Variants in NEBL observed in about 807,000 individuals in gnomAD.
NEBL encodes the protein LIM and SH3 protein 2.
A neutral mutation model predicts 140.2 loss-of-function variants in NEBL; 122 were observed. The ratio of observed to expected loss-of-function variants is 0.87; its 90% CI spans 0.75 to 1.01. The LOEUF (loss-of-function observed/expected upper bound fraction) is 1.01. NEBL is among the 50% of genes least tolerant of loss of function. The probability of loss-of-function intolerance (pLI) is 0.00; values close to 1 mark genes in which losing one functional copy is unlikely to be tolerated. For missense variants in NEBL, 1,365 were observed against 1,231.3 expected (o/e 1.11, Z -1.62); for synonymous variants, 436 against 398.9 (o/e 1.09, Z -1.11).
intron 7 of NEBL, among the ~76,000 whole-genome samples, chr10:20,861,509 T>C (rs1342063857): frequency 2.0e-5 from 3 of 152,176 alleles, no homozygotes; most frequent in African/African-American, 7.2e-5. Flanking sequence ...ACCCTTCTGC[T>C]ATACTTTTAC....
chr10:20,815,502 T>C (rs1838635791), intron 22 of NEBL, 123 bp downstream of exon 22: 5 of 790,976 alleles, frequency 6.3e-6, no homozygotes, highest in Non-Finnish European at 1.1e-5. Context: ...ACACATGTAC[T>C]TATTGGACAC....
At position 20,782,306 on chromosome 10, in the gene NEBL, T is replaced by A. The variant is rs1032309671; in HGVS notation, c.*3441A>T. The A allele has an allele frequency of 6.6e-6, 1 of 152,662 alleles. No homozygotes were observed. The highest frequency in any genetic ancestry group is 2.4e-5 in the African/African-American group (1 of 41,466). 9.5% of individuals were successfully genotyped at this position (152,662 alleles called of 1,614,324 possible). On this transcript the variant is annotated 3_prime_UTR_variant, in exon 28 of 28. Coordinates refer to ENST00000377122, the MANE Select transcript of NEBL (RefSeq NM_006393.3). ...GTAATCAAAAAGGCACCTATATTTG[T>A]ATATATCTGTATTACAGTTTTGGTA...
chr10:21,242,128 G>A (rs949403147), intron 3 of NEBL, among the ~76,000 whole-genome samples: 25 of 152,260 alleles, frequency 1.6e-4, no homozygotes, highest in South Asian at 8.3e-4. Flanking sequence ...CTTGAGCCTG[G>A]GAGGCAGAAG....
intron 8 of NEBL, among the ~76,000 whole-genome samples, chr10:20,858,679 A>C (rs1843349929): frequency 6.6e-6 from 1 of 152,234 alleles, no homozygotes; most frequent in South Asian, 2.1e-4. Context: ...CAGTATTTCA[A>C]CTATGCTTTG....
intron 3 of NEBL, among the ~76,000 whole-genome samples, chr10:21,180,786 A>T (rs1397570671): frequency 6.6e-6 from 1 of 152,014 alleles, no homozygotes; most frequent in Non-Finnish European, 1.5e-5. Flanking sequence ...TAGCTAAGCA[A>T]TTTCTCATGT....
intron 26 of NEBL, among the ~76,000 whole-genome samples, chr10:20,789,513 T>G (rs1203053620): frequency 6.6e-6 from 1 of 152,178 alleles, no homozygotes; most frequent in African/African-American, 2.4e-5. Flanking sequence ...TGCTGACAAT[T>G]CAAGAATGTT....
rs190169642 is a variant in NEBL at position 21,152,271 on chromosome 10, C to A, written c.164+20112G>T. ...TGACTTCCAATGATCATCAACGAAT[C>A]TCATAGATTGGACCCCAAGGACAGT... is the stretch of plus-strand genomic sequence containing the variant. On this transcript the variant is annotated intron_variant, in intron 2 of 6. Coordinates refer to the NEBL transcript ENST00000417816. Among the ~76,000 whole-genome samples the A allele has an allele frequency of 5.3e-5, 8 of 152,268 alleles. No homozygotes were observed. In the East Asian group the frequency reaches 1.2e-3, roughly 22 times the overall value.
chr10:21,105,126 A>C (rs983748530), intron 2 of NEBL, among the ~76,000 whole-genome samples: 1 of 152,188 alleles, frequency 6.6e-6, no homozygotes, highest in Admixed American at 6.5e-5. Context: ...ATTGGCTAAA[A>C]GTCTGTTAAT....
intron 2 of NEBL, among the ~76,000 whole-genome samples, chr10:21,056,905 C>A (rs1564495320): frequency 6.6e-6 from 1 of 152,080 alleles, no homozygotes; most frequent in Non-Finnish European, 1.5e-5. Context: ...CAGCTAATCC[C>A]TTTCTTAAGC....
chr10:20,836,352 A>G (rs982065655), intron 13 of NEBL, among the ~76,000 whole-genome samples: 8 of 151,748 alleles, frequency 5.3e-5, no homozygotes, highest in African/African-American at 1.9e-4. Context: ...CCTCCCGAAT[A>G]GCTGGGACTA....
Position 20,813,972 on chromosome 10 carries a change from T to A in NEBL, c.2313A>T (p.Arg771Ser), listed in dbSNP as rs1470973545. 6.2e-7 allele frequency: 1 copy of A among 1,609,372 alleles called. No individual in the cohort carries two copies. Among genetic ancestry groups the A allele is most frequent in the African/African-American group, 1.3e-5 (1 of 74,822 alleles). The change falls in exon 23 of 28, where the codon AGA (arginine) becomes AGT (serine). Residue 771 changes from arginine (R) to serine (S), a missense_variant. Transcript: ENST00000377122. ...TATGATTTTGTGCTTCTTTAACATGTCTCATAGCAGGTGTATCTAAAATCA... is the reference window on the plus strand; with the variant it reads ...TATGATTTTGTGCTTCTTTAACATGACTCATAGCAGGTGTATCTAAAATCA... ...PSLILDTPAM[R>S]HVKEAQNHIS...
At chr10:21,278,759 G>C (rs1033475898) in intron 1 of NEBL, among the ~76,000 whole-genome samples, 1 of 152,180 alleles carries the variant, frequency 6.6e-6, no homozygotes, top group Non-Finnish European at 1.5e-5. Flanking sequence ...GTGGATTTGA[G>C]GCCCAGAGAA....
chr10:20,908,619 T>A (rs1399309425), intron 4 of NEBL, among the ~76,000 whole-genome samples: 1 of 152,170 alleles, frequency 6.6e-6, no homozygotes, highest in Admixed American at 6.5e-5. Flanking sequence ...TCTCTCAGGG[T>A]TTATATTTTT....
intron 9 of NEBL, among the ~76,000 whole-genome samples, chr10:20,855,017 G>A (rs1328632611): frequency 6.6e-6 from 1 of 152,012 alleles, no homozygotes; most frequent in African/African-American, 2.4e-5. Context: ...GAGGTCAAGA[G>A]ATCTAGACCA....
At chr10:21,066,814 C>T (rs145977248) in intron 2 of NEBL, among the ~76,000 whole-genome samples, 19 of 96,572 alleles carry the variant, frequency 2.0e-4, no homozygotes, top group African/African-American at 3.7e-4. Flanking sequence ...GATTTTCTTA[C>T]ATTGTTCTGC....
intron 26 of NEBL, among the ~76,000 whole-genome samples, chr10:20,790,992 C>T (rs182543522): frequency 5.3e-5 from 8 of 152,314 alleles, no homozygotes; most frequent in Admixed American, 2.6e-4. Context: ...ATACCATTAG[C>T]ATTGCTACAA....
intron 6 of NEBL, 47 bp downstream of exon 6, chr10:20,869,693 C>T (rs769618136): frequency 7.3e-7 from 1 of 1,375,302 alleles, no homozygotes; most frequent in Non-Finnish European, 1.0e-6. Context: ...TTGCCTCCTA[C>T]AAAAGTAAGA....
At chr10:20,994,616 C>A (rs186108643) in intron 3 of NEBL, among the ~76,000 whole-genome samples, 13 of 152,184 alleles carry the variant, frequency 8.5e-5, no homozygotes, top group Admixed American at 2.0e-4. Context: ...CTGCATATAA[C>A]ATTTGGTCCC....
In NEBL at chr10:21,219,786, T is replaced by C. The variant is rs569497922; in HGVS notation, n.348+28135A>G. ...TTTATCAATATTTTACAGTTTCCAG[T>C]GTACAGATGTTTCACCTTGGTTTAA... On this transcript the variant is annotated intron_variant and non_coding_transcript_variant, in intron 3 of 8. Transcript: ENST00000675702. Among the ~76,000 whole-genome samples, 3 of 152,246 alleles carry C rather than the reference T, an allele frequency of 2.0e-5. No individual in the cohort carries two copies. The East Asian group carries it at 5.8e-4, about 29-fold the overall frequency.
Sources: allele counts gnomAD v4.1 joint callset (sites outside exome capture counted in the v4.1 genomes callset), GRCh38; gene constraint gnomAD v4.1.1; transcripts MANE v1.5; gene names NCBI Gene and HGNC (gene_info 2026-07-23, HGNC 2026-07-21).